S100A1: variants seen among roughly 807,000 people sequenced by gnomAD.
The protein encoded by S100A1 is protein S100-A1.
In S100A1, 3 loss-of-function variants were observed where a neutral mutation model predicts 7.6. The observed-to-expected ratio is 0.40, with a 90% CI of 0.18 to 1.02. The LOEUF (loss-of-function observed/expected upper bound fraction) is 1.02. S100A1 is among the 50% of genes least tolerant of loss of function. The probability of loss-of-function intolerance (pLI) is 0.35; values close to 1 mark genes in which losing one functional copy is unlikely to be tolerated. For synonymous variants in S100A1, 49 were observed against 49.0 expected (o/e 1.00, Z 0.00); for missense variants, 126 against 115.0 (o/e 1.10, Z -0.44).
At chr1:153,631,533 GCAA>G in intron 2 of S100A1, 162 bp from the exon 3 acceptor site, 1 of 1,613,816 alleles carries the variant, frequency 6.2e-7, no homozygotes. Context: ...TATGCTGTAG[GCAA>G]CAGAAGCCCT....
At chr1:153,630,959 A>G (rs1254117080) in intron 2 of S100A1, 2 of 444,280 alleles carry the variant, frequency 4.5e-6, no homozygotes, top group African/African-American at 3.9e-5. Context: ...ACTCCAGGAA[A>G]TACACAGAGC....
intron 1 of S100A1, 30 bp from the exon 2 acceptor site, chr1:153,630,479 T>G (rs1442445558): frequency 6.2e-7 from 1 of 1,610,220 alleles, no homozygotes; most frequent in Non-Finnish European, 8.5e-7. Context: ...GGCCTGGTCC[T>G]CAGCTCACTT....
chr1:153,630,506 T>A lies in S100A1; in HGVS notation c.-13-3T>A. The stretch of plus-strand genomic sequence containing the variant: ...AGCTCACTTCCATGATGGGGGTGGG[T>A]AGGTGCACTGCTGCAATGGGCTCTG... On this transcript the variant is annotated splice_region_variant and splice_polypyrimidine_tract_variant and intron_variant, in intron 1 of 2. Transcript: ENST00000292169. 1.2e-6 allele frequency: 2 copies of A among 1,613,552 alleles called. No individual in the cohort carries two copies. The highest frequency in any genetic ancestry group is 1.7e-6 in the Non-Finnish European group (2 of 1,179,716).
intron 2 of S100A1, chr1:153,631,426 T>A: frequency 1.3e-6 from 2 of 1,519,220 alleles, no homozygotes; most frequent in Non-Finnish European, 1.8e-6. Context: ...AATTAGACAG[T>A]GCTTGTAAAG....
rs1416058903 is a variant in S100A1, at chr1:153,631,785, G to T, written c.229G>T (p.Val77Leu). 6.2e-7 allele frequency: 1 copy of T among 1,614,186 alleles called. No homozygotes were observed. The highest frequency in any genetic ancestry group is 2.2e-5 in the East Asian group (1 of 44,892). ...DGEVDFQEYV[V>L]LVAALTVACN... ...GGAGGTGGACTTCCAGGAGTATGTG[G>T]TGCTTGTGGCTGCTCTCACAGTGGC... is the stretch of plus-strand genomic sequence containing the variant. Residue 77 changes from valine to leucine, a missense_variant, in exon 3 of 3, where the codon GTG becomes TTG. By Grantham distance (32) the Val-to-Leu change is conservative. Coordinates refer to ENST00000292169, the MANE Select transcript of S100A1 (RefSeq NM_006271.2).
At position 153,631,671 on chromosome 1, in the gene S100A1, C is replaced by T. The variant is rs754900136; in HGVS notation, c.142-27C>T. On this transcript the variant is annotated intron_variant, in intron 2 of 2. Transcript: ENST00000292169. ...CAGTGCTGTACCCTTCCCTATACAC[C>T]TCCCTCTTCCTCTCCTCCCACCACA... 3.1e-6 allele frequency: 5 copies of T among 1,613,872 alleles called. No individual in the cohort carries two copies. The African/African-American group carries it at 5.3e-5, about 17-fold the overall frequency.
chr1:153,630,632 G>A lies in S100A1; in HGVS notation c.111G>A (p.Leu37=). Residue 37 remains leucine (L), a synonymous_variant, in exon 2 of 3, where the codon CTG becomes CTA. Coordinates refer to ENST00000292169, the MANE Select transcript of S100A1 (RefSeq NM_006271.2). ...YKLSKKELKE[L]LQTELSGFLD... ...TGAGCAAGAAGGAGCTGAAAGAGCTGCTGCAGACGGAGCTCTCTGGCTTCC... is the reference window on the plus strand; with the variant it reads ...TGAGCAAGAAGGAGCTGAAAGAGCTACTGCAGACGGAGCTCTCTGGCTTCC... The A allele has an allele frequency of 6.2e-7, 1 of 1,614,240 alleles. No individual in the cohort carries two copies. The highest frequency in any genetic ancestry group is 8.5e-7 in the Non-Finnish European group (1 of 1,180,042).
intron 2 of S100A1, 30 bp downstream of exon 2, chr1:153,630,692 A>T (rs772875766): frequency 3.1e-6 from 5 of 1,611,036 alleles, no homozygotes. Flanking sequence ...GTGGGAGTGG[A>T]GTGGGTGAAG....
intron 1 of S100A1, chr1:153,628,704 G>A: frequency 1.2e-6 from 1 of 868,964 alleles, no homozygotes. Flanking sequence ...AGGTCGGAGA[G>A]AGAGCTGGCA....
intron 2 of S100A1, chr1:153,630,952 C>T: frequency 2.2e-6 from 1 of 448,504 alleles, no homozygotes; most frequent in Non-Finnish European, 3.9e-6. Flanking sequence ...ACCATGAACT[C>T]CAGGAAATAC....
At chr1:153,630,908 G>A in intron 2 of S100A1, 2 of 497,220 alleles carry the variant, frequency 4.0e-6, no homozygotes, top group South Asian at 3.8e-5. Flanking sequence ...AAGACACACA[G>A]ACTTAGAAGG....
chr1:153,628,608 C>T (rs550791128), intron 1 of S100A1, 112 bp downstream of exon 1: 4 of 1,463,220 alleles, frequency 2.7e-6, no homozygotes, highest in Non-Finnish European at 3.6e-6. Flanking sequence ...CACTGAGGAT[C>T]TGGGAGGAGT....
At chr1:153,631,189 G>A (rs1034744553) in intron 2 of S100A1, 1 of 428,530 alleles carries the variant, frequency 2.3e-6, no homozygotes, top group African/African-American at 2.0e-5. Flanking sequence ...GAAGGATGTA[G>A]AAAACTAGGC....
At chr1:153,629,543 T>A (rs1557930025) in intron 1 of S100A1, 1 of 152,276 alleles carries the variant, frequency 6.6e-6, no homozygotes, top group Non-Finnish European at 1.5e-5. Flanking sequence ...GGCTTGGCAG[T>A]CTTCTCTCTC....
rs1407278137 is a variant in S100A1 at position 153,628,496 on chromosome 1, C to T, written c.-14C>T. 2.8e-5 allele frequency: 43 copies of T among 1,550,606 alleles called. No individual in the cohort carries two copies. In the African/African-American group the frequency reaches 3.6e-4, roughly 13 times the overall value. Reference sequence around the variant, plus strand: ...GCTCCCACCTCAGGCCCAGGCCAACCGTGAGTACCCTGCCCCACTGGGCTA... The same window carrying T: ...GCTCCCACCTCAGGCCCAGGCCAACTGTGAGTACCCTGCCCCACTGGGCTA... On this transcript the variant is annotated splice_region_variant and 5_prime_UTR_variant, in exon 1 of 3. Coordinates refer to ENST00000292169, the MANE Select transcript of S100A1 (RefSeq NM_006271.2).
chr1:153,628,659 G>C, intron 1 of S100A1, 163 bp downstream of exon 1: 1 of 1,224,282 alleles, frequency 8.2e-7, no homozygotes, highest in Non-Finnish European at 1.1e-6. Context: ...GGGAGACAGG[G>C]TTTGGAAGGT....
At chr1:153,630,799 GT>G in intron 2 of S100A1, 137 bp downstream of exon 2, 1 of 1,206,904 alleles carries the variant, frequency 8.3e-7, no homozygotes, top group Non-Finnish European at 1.1e-6. Context: ...TCTCTCCTGG[GT>G]TTTTCCAGGC....
At chr1:153,631,383 G>C in intron 2 of S100A1, 1 of 1,340,374 alleles carries the variant, frequency 7.5e-7, no homozygotes, top group Non-Finnish European at 1.0e-6. Context: ...TGGAAATAAT[G>C]AAACATACCT....
intron 2 of S100A1, chr1:153,631,230 G>A (rs1353262479): frequency 9.6e-6 from 5 of 521,510 alleles, no homozygotes; most frequent in South Asian, 2.6e-5. Flanking sequence ...CCAAAGTAAA[G>A]AAGCCTCAGG....
Sources: gnomAD v4.1 joint callset for allele counts on GRCh38, gnomAD v4.1.1 for gene constraint, MANE v1.5 for transcripts, NCBI Gene and HGNC (gene_info 2026-07-23, HGNC 2026-07-21) for gene names.